The following RLF variants were observed in gnomAD, a reference collection of about 807,000 sequenced individuals.
RLF encodes zinc finger protein Rlf.
In RLF, 7 loss-of-function variants were observed where a neutral mutation model predicts 162.9. That is an observed-to-expected ratio of 0.04 (90% CI 0.02 to 0.08). The LOEUF (loss-of-function observed/expected upper bound fraction) is 0.08. Among genes scored for constraint, RLF ranks in the 10% least tolerant of loss-of-function variants. RLF has a pLI of 1.00. For synonymous variants in RLF, 782 were observed against 791.5 expected, an observed-to-expected ratio of 0.99 and a Z score of 0.20; for missense variants, 1,664 against 2,244.7, an observed-to-expected ratio of 0.74 and a Z score of 5.23.
At chr1:40,196,635 G>T (rs898987808) in intron 4 of RLF, among the ~76,000 whole-genome samples, 2 of 152,238 alleles carry the variant, frequency 1.3e-5, no homozygotes, top group East Asian at 3.9e-4. Flanking sequence ...AAGTAACTGG[G>T]ACTACAGGCA....
At chr1:40,186,200 G>A (rs1321407486) in intron 1 of RLF, among the ~76,000 whole-genome samples, 1 of 152,014 alleles carries the variant, frequency 6.6e-6, no homozygotes, top group Non-Finnish European at 1.5e-5. Flanking sequence ...TAGCCACAGT[G>A]GTTCATGCCT....
At position 40,238,385 on chromosome 1, in the gene RLF, C is replaced by T. The variant is rs756237944; in HGVS notation, c.3683C>T (p.Ser1228Phe). 5 of 1,614,032 alleles carry T rather than the reference C, an allele frequency of 3.1e-6. No homozygotes were observed. The African/African-American group carries it at 5.3e-5, about 17-fold the overall frequency. ...CSVDRLKGDCSAELGGDPSSN... is the reference protein window; with the variant it reads ...CSVDRLKGDCFAELGGDPSSN... ...GTAGATAGGTTGAAAGGTGATTGTT[C>T]TGCAGAACTTGGAGGTGATCCCAGT... The change falls in exon 8 of 8, where the codon TCT (serine) becomes TTT (phenylalanine). Residue 1228 changes from serine to phenylalanine, a missense_variant. Physicochemically the swap from Ser to Phe is radical, Grantham distance 155. This residue lies in a region of RLF where 102 missense variants were observed against 109.5 expected (regional missense o/e 0.93). Transcript: ENST00000372771. This position sits in a 1 kb window ranked among gnomAD's most constrained non-coding sequence, Gnocchi z 5.2.
rs371048854 is a variant in RLF at position 40,167,566 on chromosome 1, T to A, written c.237+5930T>A. Among the ~76,000 whole-genome samples the A allele has an allele frequency of 8.5e-5, 13 of 152,206 alleles. 1 individual carries two copies. The highest frequency in any genetic ancestry group is 3.9e-4 in the East Asian group (2 of 5,190). Reference sequence around the variant, plus strand: ...TCTTCTGAATAGTGTTGACAAAAACTTACTGCAAGACTGCAAAGACTAAAA... The same window carrying A: ...TCTTCTGAATAGTGTTGACAAAAACATACTGCAAGACTGCAAAGACTAAAA... On this transcript the variant is annotated intron_variant, in intron 1 of 7. Transcript: ENST00000372771.
At chr1:40,175,603 C>T (rs112862225) in intron 1 of RLF, among the ~76,000 whole-genome samples, 15 of 151,646 alleles carry the variant, frequency 9.9e-5, no homozygotes, top group African/African-American at 3.6e-4. Context: ...GAGCTGAGAT[C>T]GAGCCATTGC....
Position 40,238,204 on chromosome 1 carries a change from C to G in RLF, c.3502C>G (p.Arg1168Gly), listed in dbSNP as rs1643243488. 6.2e-7 allele frequency: 1 copy of G among 1,613,916 alleles called. No homozygotes were observed. The highest frequency in any genetic ancestry group is 8.5e-7 in the Non-Finnish European group (1 of 1,179,942). The change falls in exon 8 of 8, where the codon CGG (arginine) becomes GGG (glycine). Residue 1168 changes from arginine (R) to glycine (G), a missense_variant. By Grantham distance (125) the Arg-to-Gly change is moderately radical. Transcript: ENST00000372771. The surrounding 1 kb of genome is among the most constrained non-coding windows in gnomAD (Gnocchi z 5.2). ...KVLQLTMFQH[R>G]YSPFQCHICQ... ...CCTTCAGTTAACCATGTTCCAACATCGGTATTCCCCATTTCAGTGTCATAT... is the reference window on the plus strand; with the variant it reads ...CCTTCAGTTAACCATGTTCCAACATGGGTATTCCCCATTTCAGTGTCATAT...
intron 5 of RLF, among the ~76,000 whole-genome samples, chr1:40,205,407 C>T (rs772972821): frequency 2.0e-5 from 3 of 152,010 alleles, no homozygotes; most frequent in African/African-American, 7.2e-5. Flanking sequence ...TTAGCTACTG[C>T]CCCATTTCCT....
intron 6 of RLF, among the ~76,000 whole-genome samples, chr1:40,228,369 A>T (rs781631218): frequency 6.6e-6 from 1 of 151,530 alleles, no homozygotes; most frequent in Non-Finnish European, 1.5e-5. Flanking sequence ...GGATCACCTA[A>T]GGTCAGGAGT....
intron 2 of RLF, among the ~76,000 whole-genome samples, chr1:40,190,309 T>G (rs1642538564): frequency 6.6e-6 from 1 of 152,226 alleles, no homozygotes; most frequent in African/African-American, 2.4e-5. Flanking sequence ...TTGGTTTTTT[T>G]TACAGGTAAA....
chr1:40,164,646 T>C (rs1642141085), intron 1 of RLF, among the ~76,000 whole-genome samples: 1 of 152,226 alleles, frequency 6.6e-6, no homozygotes, highest in African/African-American at 2.4e-5. Context: ...TGATGTCTTC[T>C]CAAGTTTTTC....
At chr1:40,227,439 T>G (rs1178791961) in intron 6 of RLF, among the ~76,000 whole-genome samples, 2 of 152,164 alleles carry the variant, frequency 1.3e-5, no homozygotes, top group African/African-American at 4.8e-5. Context: ...GGATGTTGAT[T>G]TCAGTGTTCC....
At chr1:40,235,047 TAGAG>T (rs1369986718) in intron 7 of RLF, among the ~76,000 whole-genome samples, 6 of 148,312 alleles carry the variant, frequency 4.0e-5, no homozygotes, top group African/African-American at 1.3e-4. Flanking sequence ...GTGTTCATGA[TAGAG>T]AGAATTTTTT....
intron 5 of RLF, among the ~76,000 whole-genome samples, chr1:40,210,735 G>A (rs1205771769): frequency 6.6e-6 from 1 of 152,184 alleles, no homozygotes; most frequent in Non-Finnish European, 1.5e-5. Context: ...AGAGGAGGAT[G>A]TACAGAGATA....
At chr1:40,180,573 A>G (rs1210352628) in intron 1 of RLF, among the ~76,000 whole-genome samples, 1 of 151,924 alleles carries the variant, frequency 6.6e-6, no homozygotes, top group Admixed American at 6.6e-5. Context: ...CTTTTATTTT[A>G]CATGATAGTC....
intron 5 of RLF, among the ~76,000 whole-genome samples, chr1:40,219,553 G>A (rs1642966323): frequency 6.6e-6 from 1 of 152,182 alleles, no homozygotes; most frequent in Admixed American, 6.5e-5. Flanking sequence ...ATAAGTGGGT[G>A]CAAGGCAAAT....
At chr1:40,194,513 G>T (rs867829411) in intron 3 of RLF, among the ~76,000 whole-genome samples, 2 of 151,282 alleles carry the variant, frequency 1.3e-5, no homozygotes, top group Admixed American at 6.6e-5. Context: ...GGTGGCAGGC[G>T]CCTGTAATCC....
chr1:40,227,642 A>G (rs1570560484), intron 6 of RLF, among the ~76,000 whole-genome samples: 1 of 152,220 alleles, frequency 6.6e-6, no homozygotes, highest in Non-Finnish European at 1.5e-5. Context: ...TGGAGTTAAC[A>G]TACTTGGAGC....
chr1:40,211,772 C>A (rs1642868263), intron 5 of RLF, among the ~76,000 whole-genome samples: 1 of 151,524 alleles, frequency 6.6e-6, no homozygotes, highest in Non-Finnish European at 1.5e-5. Flanking sequence ...CGGGCACGTG[C>A]CACCACGCCT....
In RLF at chr1:40,238,931, A is replaced by G. The variant is rs752517005; in HGVS notation, c.4229A>G (p.Asn1410Ser). ...EAGSAARFSC[N>S]QPQCPAVFYT... The stretch of plus-strand genomic sequence containing the variant: ...GGATCTGCAGCAAGGTTTTCTTGTA[A>G]CCAGCCTCAGTGCCCTGCTGTTTTT... Residue 1410 changes from asparagine (N) to serine (S), a missense_variant, in exon 8 of 8, where the codon AAC (asparagine) becomes AGC (serine). Transcript: ENST00000372771. The surrounding 1 kb of genome is among the most constrained non-coding windows in gnomAD (Gnocchi z 5.2). 2 of 1,614,106 alleles carry G rather than the reference A, an allele frequency of 1.2e-6. No homozygotes were observed. The highest frequency in any genetic ancestry group is 1.7e-6 in the Non-Finnish European group (2 of 1,180,030).
intron 5 of RLF, among the ~76,000 whole-genome samples, chr1:40,212,189 T>C (rs1314828789): frequency 1.3e-5 from 2 of 152,232 alleles, no homozygotes; most frequent in Non-Finnish European, 2.9e-5. Flanking sequence ...GGTATCCCAA[T>C]AATAGGCATA....
Sources: gnomAD v4.1 joint callset for allele counts (sites outside exome capture counted in the v4.1 genomes callset) on GRCh38, gnomAD v4.1.1 for gene constraint, gnomAD v4.1.1 regional missense constraint, Gnocchi (gnomAD v3.1) non-coding constraint, MANE v1.5 for transcripts, NCBI Gene and HGNC (gene_info 2026-07-23, HGNC 2026-07-21) for gene names.